RGS6: variants seen among roughly 807,000 people sequenced by gnomAD.
The protein encoded by RGS6 is regulator of G protein signaling 6.
A neutral mutation model predicts 78.5 loss-of-function variants in RGS6; 30 were observed. The observed-to-expected ratio is 0.38, with a 90% CI of 0.29 to 0.52. The LOEUF (loss-of-function observed/expected upper bound fraction) is 0.52, where lower values mean the gene tolerates loss of function less well. Among genes scored for constraint, RGS6 ranks in the 20% least tolerant of loss-of-function variants. The pLI, the probability that RGS6 is intolerant of heterozygous loss-of-function variation, is 0.85. For missense variants in RGS6, 495 were observed against 609.7 expected, an observed-to-expected ratio of 0.81 and a Z score of 1.98; for synonymous variants, 206 against 206.0, an observed-to-expected ratio of 1.00 and a Z score of 0.00.
rs34941449 is a variant in RGS6 at position 72,547,373 on chromosome 14, A to AC, written c.1422+7288dup. ...AGGACTTCAAAGGCTAAGAAGTAAGACCCCCCCCCGACCCATGGAAGTCCC... is the reference window on the plus strand; with the variant it reads ...AGGACTTCAAAGGCTAAGAAGTAAGACCCCCCCCCCGACCCATGGAAGTCCC... On this transcript the variant is annotated intron_variant, in intron 17 of 17. Coordinates refer to ENST00000553525, the MANE Select transcript of RGS6 (RefSeq NM_001204424.2). 5.9e-3 allele frequency: 6,981 copies of AC among 1,191,700 alleles called. 5 individuals carry two copies. The highest frequency in any genetic ancestry group is 0.011 in the South Asian group (786 of 72,674). 73.8% of individuals were successfully genotyped at this position (1,191,700 alleles called of 1,614,324 possible).
At chr14:72,350,833 A>G (rs1157816384) in intron 2 of RGS6, among the ~76,000 whole-genome samples, 1 of 152,186 alleles carries the variant, frequency 6.6e-6, no homozygotes, top group Non-Finnish European at 1.5e-5. Context: ...AGTAGAATCT[A>G]TTTCATCAAG....
intron 12 of RGS6, among the ~76,000 whole-genome samples, chr14:72,483,613 A>G (rs965538851): frequency 9.2e-5 from 14 of 152,090 alleles, no homozygotes; most frequent in Non-Finnish European, 4.4e-5. Context: ...TCAGGGGAGG[A>G]AAAAAGAGGG....
chr14:72,491,175 A>G (rs377396937), intron 12 of RGS6, among the ~76,000 whole-genome samples: 6 of 152,344 alleles, frequency 3.9e-5, no homozygotes, highest in African/African-American at 1.4e-4. Context: ...CAAGCTGGCA[A>G]TGCTTAAGGA....
At chr14:71,919,459 GGTGTGT>G in the RGS6 span, among the ~76,000 whole-genome samples, 6 of 150,002 alleles carry the variant, frequency 4.0e-5, no homozygotes, top group South Asian at 1.1e-3. Context: ...CAAGATATAG[GGTGTGT>G]GTGTGTGTGT....
At chr14:72,103,276 T>A (rs2238261) in intron 2 of RGS6, among the ~76,000 whole-genome samples, 54,641 of 152,046 alleles carry the variant, frequency 0.36, 10,692 homozygotes, top group Non-Finnish European at 0.42. Context: ...TGTGGATATC[T>A]GAGTGTCAAA....
chr14:72,408,788 C>A (rs2093164379), intron 3 of RGS6, among the ~76,000 whole-genome samples: 1 of 152,120 alleles, frequency 6.6e-6, no homozygotes, highest in South Asian at 2.1e-4. Context: ...AAAGTCATGG[C>A]AAGCTTATTG....
intron 2 of RGS6, among the ~76,000 whole-genome samples, chr14:72,139,195 C>T (rs1037570138): frequency 1.3e-5 from 2 of 152,230 alleles, no homozygotes; most frequent in Non-Finnish European, 2.9e-5. Context: ...GTTTAGTGTG[C>T]TGGTCCTGGC....
At chr14:72,352,485 A>T (rs564433978) in intron 3 of RGS6, among the ~76,000 whole-genome samples, 2 of 152,354 alleles carry the variant, frequency 1.3e-5, no homozygotes, top group East Asian at 3.9e-4. Context: ...TGCCTGTGGG[A>T]TACACACAAG....
intron 2 of RGS6, among the ~76,000 whole-genome samples, chr14:72,306,809 G>C (rs2067342028): frequency 6.6e-6 from 1 of 152,208 alleles, no homozygotes; most frequent in Non-Finnish European, 1.5e-5. Context: ...TATGCTCCTG[G>C]TGAAAATGCT....
At chr14:72,065,624 A>C (rs1337778446) in intron 2 of RGS6, among the ~76,000 whole-genome samples, 1 of 152,132 alleles carries the variant, frequency 6.6e-6, no homozygotes, top group African/African-American at 2.4e-5. Flanking sequence ...CTCAAACGTC[A>C]TTGGGGTTAA....
intron 2 of RGS6, among the ~76,000 whole-genome samples, chr14:72,137,232 AC>A (rs1262840458): frequency 2.0e-5 from 3 of 152,210 alleles, no homozygotes; most frequent in African/African-American, 4.8e-5. Flanking sequence ...TGGGAGCCTT[AC>A]ATATATGATT....
At chr14:72,243,209 A>G (rs906890095) in intron 2 of RGS6, among the ~76,000 whole-genome samples, 4 of 152,212 alleles carry the variant, frequency 2.6e-5, no homozygotes, top group African/African-American at 9.7e-5. Context: ...TCTGAGTTAC[A>G]CTATTTTGGA....
chr14:72,316,161 C>A (rs1316489579), intron 2 of RGS6, among the ~76,000 whole-genome samples: 1 of 152,202 alleles, frequency 6.6e-6, no homozygotes. Context: ...GAAGGAAATA[C>A]ATGGTTAAGA....
In RGS6 at chr14:72,458,259, C is replaced by T. The variant is rs753534149; in HGVS notation, c.236-12C>T. 40 of 1,600,888 alleles carry T rather than the reference C, an allele frequency of 2.5e-5. No homozygotes were observed. The highest frequency in any genetic ancestry group is 3.4e-5 in the Non-Finnish European group (40 of 1,168,780). Reference sequence around the variant, plus strand: ...TTCTAATTCCTTCTCTCTCTATGCACTGTTCTTACAGTTGAAGCAATACAC... The same window carrying T: ...TTCTAATTCCTTCTCTCTCTATGCATTGTTCTTACAGTTGAAGCAATACAC... On this transcript the variant is annotated splice_polypyrimidine_tract_variant and intron_variant, in intron 4 of 17. Transcript: ENST00000553525.
At chr14:72,535,922 C>G (rs1301053704) in intron 15 of RGS6, among the ~76,000 whole-genome samples, 1 of 152,140 alleles carries the variant, frequency 6.6e-6, no homozygotes, top group African/African-American at 2.4e-5. Context: ...TTAAGCACCC[C>G]AACATGGCAC....
rs537233085 is a variant in RGS6 at position 72,538,710 on chromosome 14, G to A, written c.1369-1331G>A. Among the ~76,000 whole-genome samples the A allele has an allele frequency of 2.1e-4, 32 of 152,354 alleles. 1 individual carries two copies. In the South Asian group the frequency reaches 5.8e-3, roughly 28 times the overall value. On this transcript the variant is annotated intron_variant, in intron 16 of 17. Transcript: ENST00000553525. ...ATAGAGACTTGGTATGGTACCCGGGGCCAAGCATGAGTCCTTCAGTTCCTA... is the reference window on the plus strand; with the variant it reads ...ATAGAGACTTGGTATGGTACCCGGGACCAAGCATGAGTCCTTCAGTTCCTA...
intron 13 of RGS6, among the ~76,000 whole-genome samples, chr14:72,508,550 G>C (rs1170746182): frequency 3.4e-5 from 4 of 117,904 alleles, no homozygotes; most frequent in African/African-American, 9.6e-5. Context: ...AGCTTTCCAC[G>C]CACACAAGCT....
intron 2 of RGS6, among the ~76,000 whole-genome samples, chr14:72,343,603 A>T (rs1373203032): frequency 6.6e-6 from 1 of 150,530 alleles, no homozygotes; most frequent in Non-Finnish European, 1.5e-5. Flanking sequence ...TATAGTGTGT[A>T]TTAAACTTTG....
chr14:72,164,100 G>C (rs530520780), intron 2 of RGS6, among the ~76,000 whole-genome samples: 2 of 152,238 alleles, frequency 1.3e-5, no homozygotes, highest in East Asian at 3.9e-4. Flanking sequence ...TAGCCAGCAA[G>C]GGGATTGTTT....
Sources: allele counts gnomAD v4.1 joint callset (sites outside exome capture counted in the v4.1 genomes callset), GRCh38; gene constraint gnomAD v4.1.1; transcripts MANE v1.5; gene names NCBI Gene and HGNC (gene_info 2026-07-23, HGNC 2026-07-21).